CDK15: variants seen among roughly 807,000 people sequenced by gnomAD.
CDK15 encodes the protein cyclin dependent kinase 15.
In CDK15, 62 loss-of-function variants were observed where a neutral mutation model predicts 60.3. That is an observed-to-expected ratio of 1.03 (90% CI 0.84 to 1.27). CDK15 has a LOEUF of 1.27. CDK15 is among the 50% of genes most tolerant of loss of function. The pLI, the probability that CDK15 is intolerant of heterozygous loss-of-function variation, is 0.00. For missense variants in CDK15, 541 were observed against 527.8 expected (o/e 1.03, Z -0.25); for synonymous variants, 194 against 195.7 (o/e 0.99, Z 0.07).
At chr2:201,869,296 G>A (rs570763739) in intron 10 of CDK15, among the ~76,000 whole-genome samples, 12 of 150,716 alleles carry the variant, frequency 8.0e-5, no homozygotes, top group South Asian at 2.1e-4. Flanking sequence ...ACCAAACACC[G>A]CATGTTCTCA....
At chr2:201,835,589 T>C (rs890755092) in intron 7 of CDK15, 54 bp from the exon 8 acceptor site, 8 of 1,459,562 alleles carry the variant, frequency 5.5e-6, no homozygotes, top group Non-Finnish European at 6.5e-6. Flanking sequence ...CAGTGCATCA[T>C]GGTGCAAGCC....
Position 201,893,935 on chromosome 2 carries a change from TCTC to T in CDK15, c.*674_*676del, listed in dbSNP as rs1438719474. On this transcript the variant is annotated 3_prime_UTR_variant, in exon 14 of 14. Coordinates refer to ENST00000652192, the MANE Select transcript of CDK15 (RefSeq NM_001366386.2). ...CTGATTAGAAATGAATTTCAGGCTA[TCTC>T]CTCCTACTGAATCTTAATTGTCTGT... The T allele has an allele frequency of 6.6e-6, 1 of 152,134 alleles. No individual in the cohort carries two copies. The highest frequency in any genetic ancestry group is 1.5e-5 in the Non-Finnish European group (1 of 68,048). The allele number at this position is 152,134 out of a possible 1,614,324, so 9.4% of individuals were successfully genotyped here.
chr2:201,816,455 G>GTTTTTTTTTTTTTTT (rs55930032), intron 4 of CDK15, among the ~76,000 whole-genome samples: 6 of 79,854 alleles, frequency 7.5e-5, no homozygotes, highest in Admixed American at 1.6e-4. Flanking sequence ...TAAGGAAATG[G>GTTTTTTTTTTTTTTT]TTTTTTTTTT....
intron 8 of CDK15, among the ~76,000 whole-genome samples, chr2:201,841,163 C>T (rs1260195398): frequency 6.6e-6 from 1 of 152,082 alleles, no homozygotes; most frequent in Non-Finnish European, 1.5e-5. Context: ...GCAGTTTTTG[C>T]CATTAAAAGT....
At chr2:201,849,363 G>A (rs907204964) in intron 9 of CDK15, among the ~76,000 whole-genome samples, 1 of 152,134 alleles carries the variant, frequency 6.6e-6, no homozygotes, top group African/African-American at 2.4e-5. Flanking sequence ...CTTTCACTTA[G>A]CAGTATTATT....
chr2:201,845,469 A>C (rs1252595982), intron 8 of CDK15, among the ~76,000 whole-genome samples: 1 of 151,956 alleles, frequency 6.6e-6, no homozygotes, highest in Non-Finnish European at 1.5e-5. Context: ...AGTGTTTGTC[A>C]GGCCAGGCAC....
chr2:201,808,911 TTTTA>T (rs1695632000), intron 3 of CDK15: 1 of 111,822 alleles, frequency 8.9e-6, no homozygotes, highest in Non-Finnish European at 1.8e-5. Flanking sequence ...TTTTATTTTA[TTTTA>T]TTATTTATAT....
intron 6 of CDK15, among the ~76,000 whole-genome samples, chr2:201,830,161 G>A (rs529121081): frequency 3.9e-5 from 6 of 152,070 alleles, no homozygotes; most frequent in South Asian, 2.1e-4. Flanking sequence ...GGCTGGTCTC[G>A]AACTCCTGGA....
chr2:201,874,871 C>T (rs575361847), intron 11 of CDK15, among the ~76,000 whole-genome samples: 3 of 152,334 alleles, frequency 2.0e-5, no homozygotes, highest in African/African-American at 7.2e-5. Context: ...AGTGCCTACT[C>T]TATCCCTGCC....
At chr2:201,878,568 T>G (rs1340637978) in intron 11 of CDK15, among the ~76,000 whole-genome samples, 2 of 152,242 alleles carry the variant, frequency 1.3e-5, no homozygotes, top group Non-Finnish European at 2.9e-5. Context: ...ACTTGAGGAT[T>G]TGTCCTTACT....
At position 201,828,168 on chromosome 2, in the gene CDK15, G is replaced by A. The variant is rs143209837; in HGVS notation, c.606+4441G>A. On this transcript the variant is annotated intron_variant, in intron 6 of 13. Transcript: ENST00000652192. ...GAGAAAGAGGAGTCCTGTTTCAGACGTGTTGAGGTCCCAGGTGAGACAGGA... is the reference window on the plus strand; with the variant it reads ...GAGAAAGAGGAGTCCTGTTTCAGACATGTTGAGGTCCCAGGTGAGACAGGA... Among the ~76,000 whole-genome samples, 458 of 152,316 alleles carry A rather than the reference G, an allele frequency of 3.0e-3. 3 individuals carry two copies. Among genetic ancestry groups the A allele is most frequent in the African/African-American group, 0.01 (435 of 41,578 alleles).
chr2:201,865,271 G>A (rs1698573973), intron 10 of CDK15, among the ~76,000 whole-genome samples: 1 of 152,124 alleles, frequency 6.6e-6, no homozygotes, highest in Non-Finnish European at 1.5e-5. Flanking sequence ...CAAGCCATAG[G>A]TCAAAAATCA....
chr2:201,835,501 G>T, intron 7 of CDK15, 142 bp from the exon 8 acceptor site: 1 of 928,228 alleles, frequency 1.1e-6, no homozygotes. Context: ...TGATAGACAA[G>T]AGTCAAGATA....
At chr2:201,870,260 T>C (rs906860919) in intron 10 of CDK15, among the ~76,000 whole-genome samples, 2 of 152,170 alleles carry the variant, frequency 1.3e-5, no homozygotes, top group Non-Finnish European at 2.9e-5. Context: ...CCACCACCAC[T>C]ATCTAGTGAG....
chr2:201,806,866 C>A (rs1695534482), intron 1 of CDK15, 79 bp downstream of exon 1: 1 of 1,521,656 alleles, frequency 6.6e-7, no homozygotes, highest in Non-Finnish European at 8.9e-7. Flanking sequence ...GTAGCGGGAT[C>A]TGATTCTTCT....
chr2:201,875,346 G>GTACAGCTCTTCTAGCTGATAGTATGAATC (rs576222445), intron 11 of CDK15, among the ~76,000 whole-genome samples: 1 of 152,160 alleles, frequency 6.6e-6, no homozygotes, highest in Non-Finnish European at 1.5e-5. Flanking sequence ...ATGGAAATTG[G>GTACAGCTCTTCTAGCTGATAGTATGAATC]TACAGCTCTT....
At chr2:201,835,934 A>G (rs1343976749) in intron 8 of CDK15, among the ~76,000 whole-genome samples, 171 bp downstream of exon 8, 14 of 129,546 alleles carry the variant, frequency 1.1e-4, no homozygotes, top group Non-Finnish European at 1.7e-4. Flanking sequence ...TATATTTTAT[A>G]TATTTATATA....
intron 9 of CDK15, among the ~76,000 whole-genome samples, chr2:201,848,949 G>T (rs1697787810): frequency 4.0e-5 from 6 of 151,892 alleles, no homozygotes. Context: ...CAAGCCAAAA[G>T]ACTTTTTCTA....
intron 6 of CDK15, chr2:201,824,576 G>C: frequency 3.6e-6 from 1 of 277,272 alleles, no homozygotes; most frequent in Non-Finnish European, 7.1e-6. Context: ...ATTTATGAAA[G>C]CCAAATATAC....
Sources: gnomAD v4.1 joint callset for allele counts (sites outside exome capture counted in the v4.1 genomes callset) on GRCh38, gnomAD v4.1.1 for gene constraint, MANE v1.5 for transcripts, NCBI Gene and HGNC (gene_info 2026-07-23, HGNC 2026-07-21) for gene names.